PTPA: variants seen among roughly 807,000 people sequenced by gnomAD.
The protein encoded by PTPA is protein phosphatase 2 phosphatase activator.
Under a neutral mutation model 43.6 loss-of-function variants are expected in PTPA, and 13 were observed. The ratio of observed to expected loss-of-function variants is 0.30; its 90% confidence interval spans 0.19 to 0.47. The LOEUF (loss-of-function observed/expected upper bound fraction) is 0.47, where lower values mean the gene tolerates loss of function less well. Among genes scored for constraint, PTPA ranks in the 20% least tolerant of loss-of-function variants. The pLI is 0.99. For synonymous variants in PTPA, 172 were observed against 158.2 expected (o/e 1.09, Z -0.66); for missense variants, 329 against 411.9 (o/e 0.80, Z 1.74).
Position 129,147,521 on chromosome 9 carries a change from C to T in PTPA, c.*57C>T. 6.5e-7 allele frequency: 1 copy of T among 1,536,992 alleles called. No individual in the cohort carries two copies. ...CAGTTCCTGTGCCTGCCTTCCCCAC[C>T]CCAGCAGTGGCCCCTCCCCATCCCC... On this transcript the variant is annotated 3_prime_UTR_variant, in exon 10 of 10. Transcript: ENST00000393370.
In PTPA at chr9:129,113,341, C is replaced by T. The variant is rs201625249; in HGVS notation, c.31+1710C>T. Among the ~76,000 whole-genome samples the T allele has an allele frequency of 6.6e-4, 100 of 151,582 alleles. No individual in the cohort carries two copies. In the East Asian group the frequency reaches 0.017, roughly 26 times the overall value. On this transcript the variant is annotated intron_variant, in intron 1 of 9. Transcript: ENST00000393370. ...TCCTGACCTCGTGATCCTCCTGCCTCGGCCTTCCAAAGTGCTGGGATTACA... is the reference window on the plus strand; with the variant it reads ...TCCTGACCTCGTGATCCTCCTGCCTTGGCCTTCCAAAGTGCTGGGATTACA...
chr9:129,147,364 G>C, intron 9 of PTPA, 23 bp from the exon 10 acceptor site: 1 of 1,612,420 alleles, frequency 6.2e-7, no homozygotes, highest in East Asian at 2.2e-5. Context: ...TCACCACTCT[G>C]CTCACCTGCT....
chr9:129,142,055 G>A (rs918607887), intron 8 of PTPA: 93 of 175,564 alleles, frequency 5.3e-4, no homozygotes, highest in Admixed American at 5.6e-4. Context: ...CTCCTGGGGA[G>A]TCGGTGGGAA....
chr9:129,135,054 T>C (rs1356520098), intron 6 of PTPA, among the ~76,000 whole-genome samples, 160 bp downstream of exon 6: 1 of 152,174 alleles, frequency 6.6e-6, no homozygotes, highest in Non-Finnish European at 1.5e-5. Context: ...GTCCAAGCCT[T>C]TTTTCCAACA....
chr9:129,124,424 G>A (rs913849586), intron 3 of PTPA, among the ~76,000 whole-genome samples: 2 of 152,118 alleles, frequency 1.3e-5, no homozygotes, highest in African/African-American at 4.8e-5. Flanking sequence ...TTGCATCCCC[G>A]CACATAGATC....
chr9:129,127,434 T>C (rs1849652567), intron 3 of PTPA, among the ~76,000 whole-genome samples: 1 of 152,232 alleles, frequency 6.6e-6, no homozygotes, highest in African/African-American at 2.4e-5. Flanking sequence ...GGATTTCCTG[T>C]AAGTTTCTTA....
chr9:129,120,438 A>C, intron 1 of PTPA, 75 bp from the exon 2 acceptor site: 1 of 994,202 alleles, frequency 1.0e-6, no homozygotes, highest in Non-Finnish European at 1.5e-6. Context: ...AAAAAAAAAA[A>C]AGGTGAAAGG....
intron 1 of PTPA, among the ~76,000 whole-genome samples, chr9:129,117,298 C>T (rs998769484): frequency 3.3e-5 from 5 of 152,130 alleles, no homozygotes; most frequent in Non-Finnish European, 7.3e-5. Flanking sequence ...CTGCCTGCCT[C>T]GGCCTCCCGA....
intron 9 of PTPA, chr9:129,142,927 G>T (rs1423058569): frequency 6.8e-6 from 10 of 1,462,022 alleles, no homozygotes; most frequent in Non-Finnish European, 9.0e-6. Context: ...GCATACCTGG[G>T]AAGGGTCTTA....
chr9:129,114,602 A>G (rs1454407079), intron 1 of PTPA, among the ~76,000 whole-genome samples: 1 of 152,212 alleles, frequency 6.6e-6, no homozygotes, highest in Admixed American at 6.5e-5. Flanking sequence ...TCAAAGTTTC[A>G]AAGTTGTACA....
intron 1 of PTPA, chr9:129,119,120 TC>T: frequency 5.7e-6 from 1 of 175,020 alleles, no homozygotes; most frequent in Non-Finnish European, 1.3e-5. Context: ...TGCTTCAGCC[TC>T]CCAAGTAGCT....
rs1251096497 is a variant in PTPA, at chr9:129,134,914, G to C, written c.560+20G>C. On this transcript the variant is annotated intron_variant, in intron 6 of 9. Transcript: ENST00000393370. ...CAATCGGTGAGAGAAAGGACAGGAG[G>C]GTTGGAGGAGGGGGCGTGAGGGGCC... The C allele has an allele frequency of 1.3e-6, 2 of 1,599,320 alleles. No homozygotes were observed. The highest frequency in any genetic ancestry group is 2.2e-5 in the South Asian group (2 of 90,534).
chr9:129,138,547 C>T (rs1850537184), intron 8 of PTPA, among the ~76,000 whole-genome samples: 1 of 152,154 alleles, frequency 6.6e-6, no homozygotes, highest in East Asian at 1.9e-4. Flanking sequence ...CCAAAGGGCG[C>T]CCTCGCTCAG....
At chr9:129,111,239 C>G (rs1848446889), upstream of PTPA, 4 of 1,146,804 alleles carry the variant, frequency 3.5e-6, no homozygotes, top group Non-Finnish European at 4.4e-6. Context: ...ACTTGACGCC[C>G]CGCACAATCG....
intron 9 of PTPA, among the ~76,000 whole-genome samples, chr9:129,147,146 C>A (rs544547215): frequency 1.3e-5 from 2 of 151,304 alleles, no homozygotes; most frequent in African/African-American, 4.9e-5. Flanking sequence ...CCTCTCTTCT[C>A]GGTTTCTACC....
intron 1 of PTPA, among the ~76,000 whole-genome samples, chr9:129,118,203 G>A (rs1328033934): frequency 1.3e-5 from 2 of 151,456 alleles, no homozygotes; most frequent in African/African-American, 2.4e-5. Context: ...ACAGGTGTGC[G>A]CCACCACACT....
At chr9:129,127,031 A>G (rs1198263276) in intron 3 of PTPA, among the ~76,000 whole-genome samples, 1 of 152,144 alleles carries the variant, frequency 6.6e-6, no homozygotes, top group Non-Finnish European at 1.5e-5. Context: ...TGCATGGGTT[A>G]GGTCTGGCCT....
chr9:129,135,441 T>C (rs946970646), intron 6 of PTPA, among the ~76,000 whole-genome samples: 3 of 152,174 alleles, frequency 2.0e-5, no homozygotes, highest in Non-Finnish European at 2.9e-5. Flanking sequence ...TGACACAGTG[T>C]TGACCATATG....
At chr9:129,140,888 T>C (rs1177258937) in intron 8 of PTPA, among the ~76,000 whole-genome samples, 1 of 152,032 alleles carries the variant, frequency 6.6e-6, no homozygotes, top group Non-Finnish European at 1.5e-5. Flanking sequence ...CCCTGTAGGC[T>C]CGGGGTGCCT....
Sources: allele counts gnomAD v4.1 joint callset (sites outside exome capture counted in the v4.1 genomes callset), GRCh38; gene constraint gnomAD v4.1.1; transcripts MANE v1.5; gene names NCBI Gene and HGNC (gene_info 2026-07-23, HGNC 2026-07-21).